Variants in TUBB4B observed in about 807,000 individuals in gnomAD.
TUBB4B encodes the protein tubulin beta-4B chain.
In TUBB4B, 7 loss-of-function variants were observed where a neutral mutation model predicts 34.3. That is an observed-to-expected ratio of 0.20 (90% CI 0.12 to 0.38). The LOEUF (loss-of-function observed/expected upper bound fraction) is 0.38. Among genes scored for constraint, TUBB4B ranks in the 10% least tolerant of loss-of-function variants. TUBB4B has a pLI of 1.00. For missense variants in TUBB4B, 178 were observed against 610.9 expected, an observed-to-expected ratio of 0.29 and a Z score of 7.47; for synonymous variants, 390 against 250.2, an observed-to-expected ratio of 1.56 and a Z score of -5.27.
At chr9:137,241,514 G>T in intron 1 of TUBB4B, 97 bp downstream of exon 1, 1 of 1,084,740 alleles carries the variant, frequency 9.2e-7, no homozygotes, top group Non-Finnish European at 1.1e-6. Flanking sequence ...CGGCGCCCCC[G>T]CATTGCGGCC....
chr9:137,242,258 C>T (rs181290263), intron 3 of TUBB4B: 477 of 665,672 alleles, frequency 7.2e-4, no homozygotes, highest in Admixed American at 2.6e-3. Flanking sequence ...GTTCCTCTGT[C>T]CTTGGGAATT....
At chr9:137,241,586 G>A in intron 1 of TUBB4B, 135 bp from the exon 2 acceptor site, 2 of 779,252 alleles carry the variant, frequency 2.6e-6, no homozygotes, top group Non-Finnish European at 3.1e-6. Flanking sequence ...GGAACCCGGC[G>A]GCCAGGGCGC....
At position 137,241,783 on chromosome 9, in the gene TUBB4B, C is replaced by T. The variant is rs201683111; in HGVS notation, c.120C>T (p.Ser40=). The T allele has an allele frequency of 1.9e-5, 30 of 1,612,310 alleles. No homozygotes were observed. In the East Asian group the frequency reaches 3.3e-4, roughly 18 times the overall value. The change falls in exon 2 of 4, where the codon AGC becomes AGT. Residue 40 remains serine (S), a synonymous_variant. Coordinates refer to ENST00000340384, the MANE Select transcript of TUBB4B (RefSeq NM_006088.6). The part of the protein sequence containing the change: ...IDPTGTYHGD[S]DLQLERINVY... ...CCACGGGCACCTACCACGGGGACAG[C>T]GACCTGCAGCTGGAACGCATCAACG...
Position 137,241,902 on chromosome 9 carries a change from T to C in TUBB4B, c.167-9T>C. 1.2e-6 allele frequency: 2 copies of C among 1,610,878 alleles called. No homozygotes were observed. Among genetic ancestry groups the C allele is most frequent in the Non-Finnish European group, 1.7e-6 (2 of 1,178,958 alleles). On this transcript the variant is annotated splice_polypyrimidine_tract_variant and intron_variant, in intron 2 of 3. Transcript: ENST00000340384. The stretch of plus-strand genomic sequence containing the variant: ...CCCTGCCTTGGCTGACGCCCTCCCG[T>C]CCCCGCAGGCGGCAAGTACGTGCCC...
chr9:137,242,408 A>C (rs899732425), intron 3 of TUBB4B, 88 bp from the exon 4 acceptor site: 89 of 1,487,166 alleles, frequency 6.0e-5, no homozygotes, highest in Admixed American at 4.7e-4. Flanking sequence ...TGGTCAGCTC[A>C]CACCATGTCA....
Position 137,242,146 on chromosome 9 carries a change from C to T in TUBB4B, c.277+125C>T, listed in dbSNP as rs755180472. The T allele has an allele frequency of 5.0e-6, 5 of 992,888 alleles. No individual in the cohort carries two copies. The East Asian group carries it at 7.9e-5, about 16-fold the overall frequency. The allele number at this position is 992,888 out of a possible 1,614,324, so 61.5% of individuals were successfully genotyped here. ...CCTCTTCTCTGAGCCACTCAATCCC[C>T]TCTACTAAATCGGCTTTGGGAGCAA... On this transcript the variant is annotated intron_variant, in intron 3 of 3. Transcript: ENST00000340384.
Position 137,242,348 on chromosome 9 carries a change from G to T in TUBB4B, c.278-148G>T, listed in dbSNP as rs957353098. On this transcript the variant is annotated intron_variant, in intron 3 of 3. Transcript: ENST00000340384. ...TTAATTCGTAGCAGGGCAGGCTGCC[G>T]TCTTTTGGCTTTGAAGGGTCCGTTT... is the stretch of plus-strand genomic sequence containing the variant. 48 of 970,170 alleles carry T rather than the reference G, an allele frequency of 4.9e-5. 1 individual carries two copies. The African/African-American group carries it at 7.3e-4, about 15-fold the overall frequency. The allele number at this position is 970,170 out of a possible 1,614,324, so 60.1% of individuals were successfully genotyped here. A position where few individuals can be genotyped will look rare whatever the true frequency, so the allele number is the denominator to read the frequency against.
At chr9:137,241,634 C>T in intron 1 of TUBB4B, 87 bp from the exon 2 acceptor site, 2 of 918,338 alleles carry the variant, frequency 2.2e-6, no homozygotes, top group Admixed American at 1.1e-4. Flanking sequence ...CGGGCTGCCG[C>T]GCCCGTCCGG....
rs185668265 is a variant in TUBB4B at position 137,241,299 on chromosome 9, G to A, written c.-62G>A. On this transcript the variant is annotated 5_prime_UTR_variant, in exon 1 of 4. Transcript: ENST00000340384. The stretch of plus-strand genomic sequence containing the variant: ...GAGCGTCGGTTGTAGCACTCTGCGC[G>A]CCCGCTCTTCTGCTGCTGTTTGTCT... The A allele has an allele frequency of 3.2e-6, 5 of 1,556,934 alleles. No individual in the cohort carries two copies. The highest frequency in any genetic ancestry group is 4.3e-6 in the Non-Finnish European group (5 of 1,156,562).
chr9:137,242,358 T>A, intron 3 of TUBB4B, 138 bp from the exon 4 acceptor site: 1 of 1,087,514 alleles, frequency 9.2e-7, no homozygotes, highest in Non-Finnish European at 1.3e-6. Flanking sequence ...GTCTTTTGGC[T>A]TTGAAGGGTC....
At chr9:137,242,086 G>GT in intron 3 of TUBB4B, 65 bp downstream of exon 3, 1 of 1,511,906 alleles carries the variant, frequency 6.6e-7, no homozygotes. Flanking sequence ...GGGCACCGCC[G>GT]TGGGAACTGC....
rs780002996 is a variant in TUBB4B, at chr9:137,242,020, C to T, written c.276C>T (p.Phe92=). 3.7e-6 allele frequency: 6 copies of T among 1,610,262 alleles called. No homozygotes were observed. The Admixed American group carries it at 5.0e-5, about 13-fold the overall frequency. The change falls in exon 3 of 4, where the codon TTC becomes TTT. Residue 92 remains phenylalanine, a splice_region_variant and synonymous_variant. Transcript: ENST00000340384. The part of the protein sequence containing the change: ...GQIFRPDNFV[F]GQSGAGNNWA... ...TCTTCCGGCCGGACAACTTCGTTTT[C>T]GGTGAGCCGTGGCTGGGGACTGGGC...
rs1016544055 is a variant in TUBB4B, at chr9:137,243,040, C to G, written c.822C>G (p.Thr274=). ...TCATGCCCGGCTTTGCCCCACTGAC[C>G]AGCCGGGGCAGCCAGCAGTACCGGG... The part of the protein sequence containing the change: ...HFFMPGFAPL[T]SRGSQQYRAL... Residue 274 remains threonine, a synonymous_variant, in exon 4 of 4, where the codon ACC becomes ACG. Coordinates refer to ENST00000340384, the MANE Select transcript of TUBB4B (RefSeq NM_006088.6). 3.7e-6 allele frequency: 6 copies of G among 1,612,734 alleles called. No individual in the cohort carries two copies. Among genetic ancestry groups the G allele is most frequent in the Non-Finnish European group, 5.1e-6 (6 of 1,180,028 alleles).
In TUBB4B at chr9:137,241,426, C is replaced by T; in HGVS notation, c.57+9C>T. The T allele has an allele frequency of 3.2e-6, 5 of 1,583,330 alleles. No homozygotes were observed. The highest frequency in any genetic ancestry group is 2.4e-5 in the East Asian group (1 of 41,048). On this transcript the variant is annotated intron_variant, in intron 1 of 3. Transcript: ENST00000340384. ...ACCAAATCGGCGCCAAGGTAAGTTGCCGGGGCGCTGGGGCCAGGCGGGCCT... is the reference window on the plus strand; with the variant it reads ...ACCAAATCGGCGCCAAGGTAAGTTGTCGGGGCGCTGGGGCCAGGCGGGCCT...
chr9:137,243,638 T>G lies in TUBB4B; in HGVS notation c.*82T>G. 6.2e-7 allele frequency: 1 copy of G among 1,613,926 alleles called. No individual in the cohort carries two copies. The highest frequency in any genetic ancestry group is 1.3e-5 in the African/African-American group (1 of 75,056). Reference sequence around the variant, plus strand: ...GCCTGTCCTGTGGCCTGTCCCACTGTGTGCACTTGCTGTTTTCCCTGTCCA... The same window carrying G: ...GCCTGTCCTGTGGCCTGTCCCACTGGGTGCACTTGCTGTTTTCCCTGTCCA... On this transcript the variant is annotated 3_prime_UTR_variant, in exon 4 of 4. Transcript: ENST00000340384.
rs370178138 is a variant in TUBB4B at position 137,243,469 on chromosome 9, C to T, written c.1251C>T (p.Asp417=). The part of the protein sequence containing the change: ...EFTEAESNMN[D]LVSEYQQYQD... ...CCGAGGCCGAGAGCAACATGAATGA[C>T]CTGGTGTCCGAGTACCAGCAGTACC... The change falls in exon 4 of 4, where the codon GAC becomes GAT. Residue 417 remains aspartate, a synonymous_variant. Transcript: ENST00000340384. 2.4e-5 allele frequency: 39 copies of T among 1,613,782 alleles called. No individual in the cohort carries two copies. Among genetic ancestry groups the T allele is most frequent in the Middle Eastern group, 3.3e-4 (2 of 6,062 alleles).
rs866840135 is a variant in TUBB4B at position 137,243,609 on chromosome 9, C to G, written c.*53C>G. On this transcript the variant is annotated 3_prime_UTR_variant, in exon 4 of 4. Coordinates refer to ENST00000340384, the MANE Select transcript of TUBB4B (RefSeq NM_006088.6). ...AAGCAGTGTGAACTCTTTATTCACT[C>G]CCAGCCTGTCCTGTGGCCTGTCCCA... 1 of 1,613,262 alleles carries G rather than the reference C, an allele frequency of 6.2e-7. No individual in the cohort carries two copies. Among genetic ancestry groups the G allele is most frequent in the Admixed American group, 1.7e-5 (1 of 59,994 alleles).
chr9:137,243,163 C>A lies in TUBB4B; in HGVS notation c.945C>A (p.Ala315=), dbSNP rs781115984. The A allele has an allele frequency of 1.9e-6, 3 of 1,612,956 alleles. No homozygotes were observed. The highest frequency in any genetic ancestry group is 3.3e-5 in the Admixed American group (2 of 60,008). The part of the protein sequence containing the change: ...PRHGRYLTVA[A]VFRGRMSMKE... Reference sequence around the variant, plus strand: ...ATGGCCGCTACCTGACGGTTGCCGCCGTGTTCAGGGGCCGCATGTCCATGA... The same window carrying A: ...ATGGCCGCTACCTGACGGTTGCCGCAGTGTTCAGGGGCCGCATGTCCATGA... The change falls in exon 4 of 4, where the codon GCC becomes GCA. Residue 315 remains alanine (A), a synonymous_variant. Coordinates refer to ENST00000340384, the MANE Select transcript of TUBB4B (RefSeq NM_006088.6).
intron 3 of TUBB4B, 146 bp from the exon 4 acceptor site, chr9:137,242,350 C>T (rs117034573): frequency 0.012 from 12,004 of 998,378 alleles, 82 homozygotes; most frequent in Non-Finnish European, 0.015. Context: ...AGGCTGCCGT[C>T]TTTTGGCTTT....
Sources: gnomAD v4.1 joint callset for allele counts on GRCh38, gnomAD v4.1.1 for gene constraint, MANE v1.5 for transcripts, NCBI Gene and HGNC (gene_info 2026-07-23, HGNC 2026-07-21) for gene names.